PID1: variants seen among roughly 807,000 people sequenced by gnomAD.
The protein encoded by PID1 is PTB-containing, cubilin and LRP1-interacting protein.
A neutral mutation model predicts 19.1 loss-of-function variants in PID1; 10 were observed. The observed-to-expected ratio is 0.52, with a 90% CI of 0.32 to 0.89. PID1 has a LOEUF of 0.89. Among genes scored for constraint, PID1 ranks in the 40% least tolerant of loss-of-function variants. The pLI, the probability that PID1 is intolerant of heterozygous loss-of-function variation, is 0.03. For synonymous variants in PID1, 130 were observed against 116.0 expected (o/e 1.12, Z -0.78); for missense variants, 248 against 285.3 (o/e 0.87, Z 0.94).
At chr2:229,132,807 A>C (rs1189098226) in intron 2 of PID1, among the ~76,000 whole-genome samples, 4 of 152,236 alleles carry the variant, frequency 2.6e-5, no homozygotes, top group Non-Finnish European at 5.9e-5. Context: ...ATTATTAAAT[A>C]GGTATATTAC....
At chr2:229,122,789 C>T (rs1431968456) in intron 2 of PID1, among the ~76,000 whole-genome samples, 3 of 152,106 alleles carry the variant, frequency 2.0e-5, no homozygotes, top group Non-Finnish European at 2.9e-5. Flanking sequence ...AGAAATGAGG[C>T]ATCTCAGTGT....
At chr2:229,096,193 T>A (rs1694967899) in intron 2 of PID1, among the ~76,000 whole-genome samples, 1 of 152,200 alleles carries the variant, frequency 6.6e-6, no homozygotes, top group Non-Finnish European at 1.5e-5. Flanking sequence ...GGAGGTTGGA[T>A]CTAAGTAAAT....
intron 2 of PID1, among the ~76,000 whole-genome samples, chr2:229,113,342 A>T (rs2106150554): frequency 6.7e-6 from 1 of 149,720 alleles, no homozygotes; most frequent in African/African-American, 2.4e-5. Context: ...GGCCTAGGTG[A>T]CCTTAGGCAA....
intron 1 of PID1, among the ~76,000 whole-genome samples, chr2:229,262,482 G>A (rs913176541): frequency 2.0e-5 from 3 of 151,688 alleles, no homozygotes; most frequent in Non-Finnish European, 2.9e-5. Flanking sequence ...ACTCACACTC[G>A]GTATTAAAAA....
At chr2:229,089,096 G>A (rs1322392464) in intron 2 of PID1, among the ~76,000 whole-genome samples, 1 of 152,030 alleles carries the variant, frequency 6.6e-6, no homozygotes, top group African/African-American at 2.4e-5. Flanking sequence ...ACATTCAGAA[G>A]TAAAACAAAG....
At chr2:229,026,725 A>T (rs184290677) in intron 2 of PID1, among the ~76,000 whole-genome samples, 3 of 152,344 alleles carry the variant, frequency 2.0e-5, no homozygotes, top group Admixed American at 6.5e-5. Context: ...TTTTAACCTA[A>T]ACTGTTTTTG....
chr2:229,235,348 G>A (rs1159371735), intron 1 of PID1, among the ~76,000 whole-genome samples: 2 of 152,168 alleles, frequency 1.3e-5, no homozygotes, highest in African/African-American at 2.4e-5. Flanking sequence ...CTGAAAGTTT[G>A]CACTCAAGGG....
chr2:229,147,647 T>G (rs911833227), intron 2 of PID1, among the ~76,000 whole-genome samples: 1 of 152,174 alleles, frequency 6.6e-6, no homozygotes, highest in African/African-American at 2.4e-5. Context: ...GACTGCATAT[T>G]TTCCATAGTA....
chr2:229,238,749 A>G (rs1309196012), intron 1 of PID1, among the ~76,000 whole-genome samples: 2 of 152,110 alleles, frequency 1.3e-5, no homozygotes, highest in African/African-American at 4.8e-5. Context: ...GGAGACAGGC[A>G]TTACCAGGCA....
intron 2 of PID1, among the ~76,000 whole-genome samples, chr2:229,150,260 A>G (rs1690223598): frequency 6.6e-6 from 1 of 151,476 alleles, no homozygotes; most frequent in Non-Finnish European, 1.5e-5. Flanking sequence ...GAGAGAGAGA[A>G]AGAAAGAAGT....
chr2:229,060,720 C>A (rs1390023251), intron 2 of PID1, among the ~76,000 whole-genome samples: 3 of 152,020 alleles, frequency 2.0e-5, no homozygotes, highest in African/African-American at 7.2e-5. Flanking sequence ...GCTGTATTAA[C>A]TTATATTCCC....
intron 1 of PID1, among the ~76,000 whole-genome samples, chr2:229,198,788 C>T (rs1357414486): frequency 6.6e-6 from 1 of 152,074 alleles, no homozygotes; most frequent in African/African-American, 2.4e-5. Context: ...TTCTCCCATG[C>T]TATAGCCATA....
Position 229,139,137 on chromosome 2 carries a change from G to GC in PID1, c.177+16680_177+16681insG, listed in dbSNP as rs1689954114. Among the ~76,000 whole-genome samples, 7 of 123,410 alleles carry GC rather than the reference G, an allele frequency of 5.7e-5. 1 individual carries two copies. In the South Asian group the frequency reaches 1.0e-3, roughly 18 times the overall value. 81.0% of individuals were successfully genotyped at this position (123,410 alleles called of 152,430 possible). ...AAAGAGAAAGAAAGAAAGAAAGAAAGAAAGAAAGAAAGCAAGCGAGCGAGC... is the reference window on the plus strand; with the variant it reads ...AAAGAGAAAGAAAGAAAGAAAGAAAGCAAAGAAAGAAAGCAAGCGAGCGAGC... On this transcript the variant is annotated intron_variant, in intron 2 of 2. Transcript: ENST00000392055.
At chr2:229,262,545 T>C (rs1690486858) in intron 1 of PID1, 2 of 1,292,022 alleles carry the variant, frequency 1.5e-6, no homozygotes, top group African/African-American at 1.5e-5. Context: ...AAGTTGGGGA[T>C]ACCTACATCA....
intron 1 of PID1, among the ~76,000 whole-genome samples, chr2:229,242,205 A>G (rs1338305508): frequency 6.6e-6 from 1 of 152,054 alleles, no homozygotes; most frequent in Non-Finnish European, 1.5e-5. Context: ...AGAGACCTCT[A>G]CCTCTAGATC....
intron 2 of PID1, among the ~76,000 whole-genome samples, chr2:229,140,849 G>A (rs142032685): frequency 6.6e-6 from 1 of 151,938 alleles, no homozygotes; most frequent in African/African-American, 2.4e-5. Context: ...CAGCGATTTA[G>A]CCTATGTATT....
intron 2 of PID1, among the ~76,000 whole-genome samples, chr2:229,030,713 T>A (rs113524957): frequency 6.6e-6 from 1 of 152,162 alleles, no homozygotes; most frequent in Non-Finnish European, 1.5e-5. Context: ...ACCGATTTCA[T>A]AGTAGCAAAA....
chr2:229,059,998 T>C (rs536170908), intron 2 of PID1, among the ~76,000 whole-genome samples: 9 of 152,252 alleles, frequency 5.9e-5, no homozygotes, highest in African/African-American at 2.2e-4. Flanking sequence ...TTATATTTTA[T>C]TTTTAATTGA....
chr2:229,229,913 C>G (rs1692166399), intron 1 of PID1, among the ~76,000 whole-genome samples: 1 of 152,194 alleles, frequency 6.6e-6, no homozygotes, highest in South Asian at 2.1e-4. Context: ...GGCTTTAGAG[C>G]AGATGTTTTA....
Sources: gnomAD v4.1 joint callset for allele counts (sites outside exome capture counted in the v4.1 genomes callset) on GRCh38, gnomAD v4.1.1 for gene constraint, MANE v1.5 for transcripts, NCBI Gene and HGNC (gene_info 2026-07-23, HGNC 2026-07-21) for gene names.